Variants in COPS4 observed in about 807,000 individuals in gnomAD.
COPS4 encodes the protein COP9 signalosome subunit 4, also known as COP9 signalosome complex subunit 4.
A neutral mutation model predicts 55.1 loss-of-function variants in COPS4; 8 were observed. That is an observed-to-expected ratio of 0.15 (90% CI 0.09 to 0.26). The LOEUF is 0.26. Ranked by LOEUF, COPS4 falls within the 10% of genes least tolerant of loss-of-function variation. COPS4 has a pLI of 1.00. For synonymous variants in COPS4, 185 were observed against 165.7 expected (o/e 1.12, Z -0.90); for missense variants, 248 against 484.0 (o/e 0.51, Z 4.58).
At chr4:83,042,273 A>G (rs1382916121) in intron 1 of COPS4, among the ~76,000 whole-genome samples, 5 of 152,228 alleles carry the variant, frequency 3.3e-5, no homozygotes, top group African/African-American at 7.2e-5. Flanking sequence ...ACTTTTTAGT[A>G]TCATACACAG....
intron 9 of COPS4, among the ~76,000 whole-genome samples, chr4:83,071,015 C>T (rs1291718572): frequency 1.3e-5 from 2 of 152,096 alleles, no homozygotes; most frequent in Non-Finnish European, 2.9e-5. Context: ...TCTCTTTGTC[C>T]CATGTCTCAA....
At chr4:83,056,672 G>A (rs1407542639) in intron 4 of COPS4, among the ~76,000 whole-genome samples, 2 of 152,044 alleles carry the variant, frequency 1.3e-5, no homozygotes, top group African/African-American at 4.8e-5. Flanking sequence ...GGTGGCTGCC[G>A]CCTGTAGTCC....
chr4:83,072,224 A>C (rs933288136), intron 9 of COPS4, among the ~76,000 whole-genome samples: 11 of 152,112 alleles, frequency 7.2e-5, no homozygotes, highest in Admixed American at 6.5e-4. Flanking sequence ...AGCTGGGACT[A>C]CAGGCACGCA....
chr4:83,058,085 T>A (rs1390521136), intron 6 of COPS4, among the ~76,000 whole-genome samples: 1 of 151,612 alleles, frequency 6.6e-6, no homozygotes, highest in Non-Finnish European at 1.5e-5. Flanking sequence ...TTTTTTTTTT[T>A]AACCTTCAAG....
chr4:83,035,331 G>T, intron 1 of COPS4, 33 bp downstream of exon 1: 1 of 1,488,048 alleles, frequency 6.7e-7, no homozygotes, highest in East Asian at 2.7e-5. Flanking sequence ...GGAGTACAGA[G>T]GTGGGGAAAG....
At chr4:83,074,356 A>G (rs571349854) in intron 9 of COPS4, among the ~76,000 whole-genome samples, 73 of 152,246 alleles carry the variant, frequency 4.8e-4, no homozygotes, top group South Asian at 1.2e-3. Context: ...ACCTTGTGCC[A>G]GTAATTTGGG....
intron 7 of COPS4, chr4:83,065,300 A>G (rs1731268097): frequency 2.4e-6 from 1 of 408,482 alleles, no homozygotes; most frequent in African/African-American, 2.1e-5. Context: ...TGTGATCATT[A>G]TCAGCATTTT....
At chr4:83,049,760 G>A (rs534613489) in intron 3 of COPS4, 121 bp from the exon 4 acceptor site, 30 of 623,764 alleles carry the variant, frequency 4.8e-5, no homozygotes, top group African/African-American at 9.3e-5. Context: ...CTTGATAAAC[G>A]TTTACTGTTT....
chr4:83,068,458 A>G lies in COPS4; in HGVS notation c.1023A>G (p.Gln341=). ...AATAGGCGGAAAAGATAGCATCTCA[A>G]ATGATAACCGAAGGACGTATGAATG... The part of the protein sequence containing the change: ...PAAKAEKIAS[Q]MITEGRMNGF... The change falls in exon 9 of 10, where the codon CAA becomes CAG. Residue 341 remains glutamine (Q), a synonymous_variant. Transcript: ENST00000264389. The G allele has an allele frequency of 1.9e-6, 3 of 1,611,202 alleles. No homozygotes were observed. The highest frequency in any genetic ancestry group is 2.7e-5 in the African/African-American group (2 of 74,996).
chr4:83,037,643 G>A (rs1730460355), intron 1 of COPS4, among the ~76,000 whole-genome samples: 1 of 151,882 alleles, frequency 6.6e-6, no homozygotes, highest in African/African-American at 2.4e-5. Flanking sequence ...ATATATCAGT[G>A]TGTTTTTTTT....
intron 6 of COPS4, among the ~76,000 whole-genome samples, chr4:83,060,028 C>A (rs186090228): frequency 6.6e-6 from 1 of 152,000 alleles, no homozygotes; most frequent in Non-Finnish European, 1.5e-5. Flanking sequence ...ATAGGTACTT[C>A]CGCATTCCCT....
intron 9 of COPS4, among the ~76,000 whole-genome samples, chr4:83,074,966 C>T (rs1242126845): frequency 6.6e-6 from 1 of 151,734 alleles, no homozygotes; most frequent in East Asian, 2.0e-4. Context: ...ACTAGAAATA[C>T]AGAAATTAGT....
At chr4:83,046,202 T>C (rs1218695138) in intron 2 of COPS4, among the ~76,000 whole-genome samples, 2 of 152,184 alleles carry the variant, frequency 1.3e-5, no homozygotes, top group Admixed American at 6.5e-5. Context: ...TCAACATCAC[T>C]AATCATCAGA....
chr4:83,050,739 G>A (rs573470844), intron 4 of COPS4, among the ~76,000 whole-genome samples: 23 of 152,246 alleles, frequency 1.5e-4, no homozygotes, highest in African/African-American at 5.5e-4. Flanking sequence ...GAGCAAAGGG[G>A]CAAGAGATCA....
intron 4 of COPS4, among the ~76,000 whole-genome samples, chr4:83,053,139 A>G (rs1578710659): frequency 6.6e-6 from 1 of 152,114 alleles, no homozygotes; most frequent in African/African-American, 2.4e-5. Flanking sequence ...CCTCAGTCCC[A>G]GCGGAGGTGG....
rs559559398 is a variant in COPS4 at position 83,068,929 on chromosome 4, C to T, written c.1087+407C>T. On this transcript the variant is annotated intron_variant, in intron 9 of 9. Coordinates refer to ENST00000264389, the MANE Select transcript of COPS4 (RefSeq NM_016129.3). ...AAGTTGCAGTGAGCCGAAATTGCAGCACTGCACTCCAACCTGGGTGACAAA... is the reference window on the plus strand; with the variant it reads ...AAGTTGCAGTGAGCCGAAATTGCAGTACTGCACTCCAACCTGGGTGACAAA... Among the ~76,000 whole-genome samples, 15 of 149,628 alleles carry T rather than the reference C, an allele frequency of 1.0e-4. No individual in the cohort carries two copies. The South Asian group carries it at 2.9e-3, about 29-fold the overall frequency.
intron 4 of COPS4, among the ~76,000 whole-genome samples, chr4:83,052,212 A>G (rs1369724620): frequency 6.6e-6 from 1 of 152,240 alleles, no homozygotes. Context: ...AGGGTAGACG[A>G]TGACAGCAGA....
chr4:83,057,689 G>A (rs528314229), intron 6 of COPS4, among the ~76,000 whole-genome samples: 3 of 152,116 alleles, frequency 2.0e-5, no homozygotes, highest in East Asian at 3.9e-4. Flanking sequence ...TTGGGAGGCC[G>A]AGGCGGGTGG....
At chr4:83,035,402 G>A (rs989685126) in intron 1 of COPS4, 104 bp downstream of exon 1, 1 of 981,196 alleles carries the variant, frequency 1.0e-6, no homozygotes, top group Non-Finnish European at 1.5e-6. Context: ...GCTAGGAGCC[G>A]GCCTGACGTC....
Sources: gnomAD v4.1 joint callset for allele counts (sites outside exome capture counted in the v4.1 genomes callset) on GRCh38, gnomAD v4.1.1 for gene constraint, MANE v1.5 for transcripts, NCBI Gene and HGNC (gene_info 2026-07-23, HGNC 2026-07-21) for gene names.